VEPH1: variants seen among roughly 807,000 people sequenced by gnomAD.
VEPH1 encodes ventricular zone expressed PH domain containing 1.
Under a neutral mutation model 85.2 loss-of-function variants are expected in VEPH1, and 80 were observed. That is an observed-to-expected ratio of 0.94 (90% CI 0.78 to 1.13). VEPH1 has a LOEUF of 1.13. Among genes scored for constraint, VEPH1 ranks in the 50% most tolerant of loss-of-function variants. The pLI, the probability that VEPH1 is intolerant of heterozygous loss-of-function variation, is 0.00. For missense variants in VEPH1, 955 were observed against 980.5 expected (o/e 0.97, Z 0.35); for synonymous variants, 297 against 348.0 (o/e 0.85, Z 1.63).
At chr3:157,442,494 A>G (rs1359945060) in intron 4 of VEPH1, 1 of 1,614,114 alleles carries the variant, frequency 6.2e-7, no homozygotes, top group East Asian at 2.2e-5. Flanking sequence ...TGTATTAAAC[A>G]AAACCATCCT....
chr3:157,262,235 G>T (rs1383447519), intron 13 of VEPH1, among the ~76,000 whole-genome samples: 1 of 152,022 alleles, frequency 6.6e-6, no homozygotes, highest in Non-Finnish European at 1.5e-5. Flanking sequence ...TGACATCAGG[G>T]AAGTATCCAT....
chr3:157,409,561 A>C, intron 6 of VEPH1: 4 of 922,526 alleles, frequency 4.3e-6, no homozygotes, highest in Non-Finnish European at 5.2e-6. Context: ...TCTGGGAGAT[A>C]GAGAAAATAA....
chr3:157,391,936 T>C (rs1577544687), intron 6 of VEPH1, among the ~76,000 whole-genome samples: 1 of 81,714 alleles, frequency 1.2e-5, no homozygotes, highest in African/African-American at 5.3e-5. Flanking sequence ...TTTAGCACTC[T>C]TAAAGAAAAG....
intron 4 of VEPH1, chr3:157,459,727 T>A (rs1183029140): frequency 2.1e-6 from 3 of 1,421,060 alleles, no homozygotes; most frequent in Non-Finnish European, 2.7e-6. Context: ...GTTATCCAAA[T>A]CATGTTCACA....
At chr3:157,359,606 C>T (rs146280207) in intron 9 of VEPH1, among the ~76,000 whole-genome samples, 1 of 152,100 alleles carries the variant, frequency 6.6e-6, no homozygotes, top group Non-Finnish European at 1.5e-5. Context: ...ATTGCCTGTT[C>T]CCAGTGTGAT....
At chr3:157,273,915 A>G (rs1179352104) in intron 12 of VEPH1, among the ~76,000 whole-genome samples, 1 of 152,244 alleles carries the variant, frequency 6.6e-6, no homozygotes, top group African/African-American at 2.4e-5. Flanking sequence ...ATAATAGATC[A>G]CATGAGACTG....
chr3:157,403,299 T>C (rs532296678), intron 6 of VEPH1, among the ~76,000 whole-genome samples: 1 of 152,246 alleles, frequency 6.6e-6, no homozygotes, highest in African/African-American at 2.4e-5. Flanking sequence ...TAGAAAAGAC[T>C]TGTACATACC....
At chr3:157,396,139 G>A (rs1242753373) in intron 6 of VEPH1, among the ~76,000 whole-genome samples, 1 of 152,132 alleles carries the variant, frequency 6.6e-6, no homozygotes, top group African/African-American at 2.4e-5. Context: ...CTGTGTCCAT[G>A]TGTTCTCATT....
At chr3:157,437,796 G>C (rs1349378403) in intron 4 of VEPH1, 1 of 1,462,866 alleles carries the variant, frequency 6.8e-7, no homozygotes, top group East Asian at 2.8e-5. Context: ...AGGGCGCGGA[G>C]GCGCAGCGCC....
intron 4 of VEPH1, chr3:157,459,897 A>T (rs1433228800): frequency 6.5e-7 from 1 of 1,537,210 alleles, no homozygotes; most frequent in African/African-American, 1.4e-5. Context: ...TGAACAGGTG[A>T]CCAGAAGCAC....
chr3:157,481,467 A>ACCCACACAC (rs60293047), intron 2 of VEPH1, among the ~76,000 whole-genome samples: 1 of 53,514 alleles, frequency 1.9e-5, no homozygotes, highest in Admixed American at 2.2e-4. Flanking sequence ...CACACACACA[A>ACCCACACAC]AAAAAAAAAA....
intron 9 of VEPH1, among the ~76,000 whole-genome samples, chr3:157,342,835 C>T (rs146353052): frequency 0.021 from 3,130 of 152,260 alleles, 115 homozygotes; most frequent in African/African-American, 0.072. Flanking sequence ...GTCTCTCAGA[C>T]CACAGTGCAA....
At chr3:157,360,547 G>A (rs958365586) in intron 9 of VEPH1, among the ~76,000 whole-genome samples, 1 of 151,882 alleles carries the variant, frequency 6.6e-6, no homozygotes, top group African/African-American at 2.4e-5. Context: ...TTATGATGGG[G>A]TTATGTCCCC....
At chr3:157,396,250 CAAAGGAAAA>C (rs1164789001) in intron 6 of VEPH1, among the ~76,000 whole-genome samples, 62 of 152,258 alleles carry the variant, frequency 4.1e-4, no homozygotes, top group African/African-American at 1.4e-3. Flanking sequence ...CATGTTCCTG[CAAAGGAAAA>C]GGACATGATC....
intron 5 of VEPH1, among the ~76,000 whole-genome samples, chr3:157,425,182 ATGTGGTGTTG>A (rs1732663065): frequency 6.6e-6 from 1 of 152,228 alleles, no homozygotes; most frequent in Admixed American, 6.5e-5. Context: ...TACAACTTCC[ATGTGGTGTTG>A]ATCCTGTGGG....
At chr3:157,313,574 A>C (rs1720379888) in intron 11 of VEPH1, 47 bp downstream of exon 11, 2 of 1,580,322 alleles carry the variant, frequency 1.3e-6, no homozygotes, top group Admixed American at 1.9e-5. Context: ...GTTTCAAGAC[A>C]ATCTTAAATC....
At chr3:157,266,890 T>A (rs968979749) in intron 12 of VEPH1, among the ~76,000 whole-genome samples, 2 of 152,128 alleles carry the variant, frequency 1.3e-5, no homozygotes, top group African/African-American at 4.8e-5. Context: ...ACCTTGAAAG[T>A]AATAAAATTT....
At chr3:157,297,226 A>G (rs1363900063) in intron 11 of VEPH1, among the ~76,000 whole-genome samples, 1 of 152,202 alleles carries the variant, frequency 6.6e-6, no homozygotes, top group Non-Finnish European at 1.5e-5. Flanking sequence ...TCTGAAATGA[A>G]TGACTTCTTT....
intron 11 of VEPH1, among the ~76,000 whole-genome samples, chr3:157,311,476 G>GA (rs1720102620): frequency 6.6e-6 from 1 of 152,066 alleles, no homozygotes; most frequent in South Asian, 2.1e-4. Flanking sequence ...AAAAAAATCG[G>GA]AAAAAATCTA....
Sources: gnomAD v4.1 joint callset for allele counts (sites outside exome capture counted in the v4.1 genomes callset) on GRCh38, gnomAD v4.1.1 for gene constraint, MANE v1.5 for transcripts, NCBI Gene and HGNC (gene_info 2026-07-23, HGNC 2026-07-21) for gene names.